MMP16: variants seen among roughly 807,000 people sequenced by gnomAD.
MMP16 encodes matrix metalloproteinase-16.
Under a neutral mutation model 67.8 loss-of-function variants are expected in MMP16, and 12 were observed. That is an observed-to-expected ratio of 0.18 (90% CI 0.11 to 0.29). MMP16 has a LOEUF of 0.29. MMP16 is among the 10% of genes least tolerant of loss of function. The pLI is 1.00. For synonymous variants in MMP16, 249 were observed against 255.9 expected (o/e 0.97, Z 0.26); for missense variants, 475 against 765.7 (o/e 0.62, Z 4.48).
chr8:88,165,523 T>A (rs1464229401), intron 4 of MMP16, among the ~76,000 whole-genome samples: 1 of 152,096 alleles, frequency 6.6e-6, no homozygotes, highest in Non-Finnish European at 1.5e-5. Context: ...ATAAGTGCTA[T>A]TCTTAATCAA....
chr8:88,317,074 G>A (rs569089613), intron 1 of MMP16, among the ~76,000 whole-genome samples: 4 of 152,258 alleles, frequency 2.6e-5, no homozygotes, highest in East Asian at 1.9e-4. Flanking sequence ...TCTACTCCTC[G>A]TGAAGAAGCT....
At chr8:88,238,869 A>G (rs554567769) in intron 1 of MMP16, among the ~76,000 whole-genome samples, 5 of 152,188 alleles carry the variant, frequency 3.3e-5, no homozygotes, top group African/African-American at 4.8e-5. Flanking sequence ...TTGCACCTGT[A>G]ATCCCACCAC....
intron 1 of MMP16, among the ~76,000 whole-genome samples, chr8:88,238,187 G>T (rs1470799584): frequency 6.6e-6 from 1 of 152,076 alleles, no homozygotes; most frequent in African/African-American, 2.4e-5. Flanking sequence ...TCATGTATAA[G>T]GGGAAAATAC....
intron 6 of MMP16, among the ~76,000 whole-genome samples, chr8:88,086,883 T>A (rs565504054): frequency 6.6e-6 from 1 of 152,032 alleles, no homozygotes; most frequent in African/African-American, 2.4e-5. Context: ...ATGTGCCTCA[T>A]CTGTCTTATT....
Position 88,080,223 on chromosome 8 carries a change from AT to A in MMP16, c.1084-5481del, listed in dbSNP as rs556790881. Among the ~76,000 whole-genome samples, 9 of 152,182 alleles carry A rather than the reference AT, an allele frequency of 5.9e-5. No individual in the cohort carries two copies. The East Asian group carries it at 1.5e-3, about 26-fold the overall frequency. Reference sequence around the variant, plus strand: ...ACACATTTACTAGACAGATCTCCCAATTTTTTTCACCAAACTGTCATAGGAT... The same window carrying A: ...ACACATTTACTAGACAGATCTCCCAATTTTTTCACCAAACTGTCATAGGAT... On this transcript the variant is annotated intron_variant, in intron 6 of 9. Coordinates refer to ENST00000286614, the MANE Select transcript of MMP16 (RefSeq NM_005941.5).
intron 4 of MMP16, among the ~76,000 whole-genome samples, chr8:88,152,004 A>T (rs1442490905): frequency 5.2e-5 from 4 of 76,642 alleles, no homozygotes; most frequent in Non-Finnish European, 2.4e-5. Flanking sequence ...AGAATCAAAT[A>T]GACACAATAA....
intron 1 of MMP16, among the ~76,000 whole-genome samples, chr8:88,300,614 C>A (rs1251881001): frequency 1.3e-5 from 2 of 152,056 alleles, no homozygotes; most frequent in African/African-American, 4.8e-5. Flanking sequence ...TTTCATTGTG[C>A]ATATTTTATA....
chr8:88,167,167 G>C (rs1189706651), intron 4 of MMP16, among the ~76,000 whole-genome samples: 4 of 152,082 alleles, frequency 2.6e-5, no homozygotes, highest in Non-Finnish European at 5.9e-5. Context: ...AGCTGAAATT[G>C]TGCCATTGCA....
intron 3 of MMP16, among the ~76,000 whole-genome samples, chr8:88,168,610 T>G (rs1007645865): frequency 1.3e-5 from 2 of 152,196 alleles, no homozygotes; most frequent in African/African-American, 4.8e-5. Flanking sequence ...TAGTTTGTCC[T>G]GATGCTAATA....
chr8:88,159,924 T>C (rs1248568048), intron 4 of MMP16, among the ~76,000 whole-genome samples: 1 of 152,124 alleles, frequency 6.6e-6, no homozygotes, highest in Non-Finnish European at 1.5e-5. Flanking sequence ...GTTTATATGC[T>C]GGATTACGTT....
chr8:88,260,995 A>G (rs890900854), intron 1 of MMP16, among the ~76,000 whole-genome samples: 6 of 152,182 alleles, frequency 3.9e-5, no homozygotes, highest in Non-Finnish European at 7.4e-5. Flanking sequence ...TTTAACAAGT[A>G]TCTTGTACTC....
intron 4 of MMP16, among the ~76,000 whole-genome samples, chr8:88,147,707 G>C (rs1206343154): frequency 6.6e-6 from 1 of 151,528 alleles, no homozygotes; most frequent in Non-Finnish European, 1.5e-5. Flanking sequence ...TGTACCTAAT[G>C]AGTCTTTTCT....
chr8:88,234,936 TA>T (rs1434829470), intron 1 of MMP16, among the ~76,000 whole-genome samples: 1 of 152,214 alleles, frequency 6.6e-6, no homozygotes, highest in Non-Finnish European at 1.5e-5. Context: ...CAGGTGTTAT[TA>T]ACCCCAGCGA....
chr8:88,307,685 A>G lies in MMP16; in HGVS notation c.132+19390T>C, dbSNP rs1185167616. Reference sequence around the variant, plus strand: ...AAAGACATTATGCCTAGTATCACAAAAATTACTTAATACTGCTCTGGAACA... The same window carrying G: ...AAAGACATTATGCCTAGTATCACAAGAATTACTTAATACTGCTCTGGAACA... On this transcript the variant is annotated intron_variant, in intron 1 of 9. Coordinates refer to ENST00000286614, the MANE Select transcript of MMP16 (RefSeq NM_005941.5). Among the ~76,000 whole-genome samples, 4 of 152,128 alleles carry G rather than the reference A, an allele frequency of 2.6e-5. No individual in the cohort carries two copies. The East Asian group carries it at 7.7e-4, about 29-fold the overall frequency.
At chr8:88,171,624 T>C (rs1187896108) in intron 3 of MMP16, among the ~76,000 whole-genome samples, 1 of 151,996 alleles carries the variant, frequency 6.6e-6, no homozygotes, top group South Asian at 2.1e-4. Flanking sequence ...AATTAAAAAA[T>C]AGGAAAAAAC....
intron 3 of MMP16, chr8:88,186,224 C>T (rs923075695): frequency 1.5e-5 from 5 of 339,542 alleles, no homozygotes; most frequent in Non-Finnish European, 2.6e-5. Context: ...ATCTTAAAGT[C>T]CCTCATAATA....
intron 1 of MMP16, among the ~76,000 whole-genome samples, chr8:88,297,583 T>C (rs992618300): frequency 3.3e-5 from 5 of 152,096 alleles, no homozygotes; most frequent in African/African-American, 1.2e-4. Context: ...CCAGAGAGGG[T>C]CTTGATACAG....
intron 6 of MMP16, among the ~76,000 whole-genome samples, chr8:88,112,782 A>G (rs1450237026): frequency 1.3e-5 from 2 of 151,760 alleles, no homozygotes; most frequent in African/African-American, 2.4e-5. Flanking sequence ...GGAAAGTACA[A>G]TGTAAATCAA....
chr8:88,252,129 CCA>C (rs1810234953), intron 1 of MMP16, among the ~76,000 whole-genome samples: 2 of 143,870 alleles, frequency 1.4e-5, no homozygotes, highest in Non-Finnish European at 3.0e-5. Context: ...TTTGACCCAG[CCA>C]TCCCATTACT....
Sources: allele counts gnomAD v4.1 joint callset (sites outside exome capture counted in the v4.1 genomes callset), GRCh38; gene constraint gnomAD v4.1.1; transcripts MANE v1.5; gene names NCBI Gene and HGNC (gene_info 2026-07-23, HGNC 2026-07-21).